ERBB4: variants seen among roughly 807,000 people sequenced by gnomAD.
ERBB4 encodes the protein erb-b2 receptor tyrosine kinase 4, also known as receptor tyrosine-protein kinase erbB-4.
A neutral mutation model predicts 158.0 loss-of-function variants in ERBB4; 42 were observed. The ratio of observed to expected loss-of-function variants is 0.27; its 90% CI spans 0.21 to 0.34. The LOEUF (loss-of-function observed/expected upper bound fraction) is 0.34, where lower values mean the gene tolerates loss of function less well. Ranked by LOEUF, ERBB4 falls within the 10% of genes least tolerant of loss-of-function variation. The probability of loss-of-function intolerance (pLI) is 1.00; values close to 1 mark genes in which losing one functional copy is unlikely to be tolerated. For missense variants in ERBB4, 1,333 were observed against 1,624.1 expected (o/e 0.82, Z 3.08); for synonymous variants, 583 against 558.7 (o/e 1.04, Z -0.61).
chr2:212,465,658 T>C (rs1358148511), intron 1 of ERBB4, among the ~76,000 whole-genome samples: 1 of 152,114 alleles, frequency 6.6e-6, no homozygotes, highest in Non-Finnish European at 1.5e-5. Context: ...AATCAGTACC[T>C]TTTTCTCCAC....
intron 1 of ERBB4, among the ~76,000 whole-genome samples, chr2:212,325,901 A>C (rs2087805153): frequency 6.6e-6 from 1 of 150,642 alleles, no homozygotes; most frequent in South Asian, 2.1e-4. Flanking sequence ...TTGTTTGCTC[A>C]TAATTTTATC....
At chr2:212,489,017 T>C (rs1690128182) in intron 1 of ERBB4, among the ~76,000 whole-genome samples, 1 of 149,958 alleles carries the variant, frequency 6.7e-6, no homozygotes, top group Non-Finnish European at 1.5e-5. Flanking sequence ...AAGAATTGCA[T>C]TTGTATGGTA....
At chr2:211,404,424 G>A (rs2063107362) in intron 25 of ERBB4, among the ~76,000 whole-genome samples, 1 of 151,942 alleles carries the variant, frequency 6.6e-6, no homozygotes, top group Non-Finnish European at 1.5e-5. Flanking sequence ...CTCCCTCTCT[G>A]TCAACAGCCT....
intron 2 of ERBB4, among the ~76,000 whole-genome samples, chr2:212,110,952 G>T (rs1328467904): frequency 6.6e-6 from 1 of 152,050 alleles, no homozygotes; most frequent in Non-Finnish European, 1.5e-5. Flanking sequence ...TCATTCTCTG[G>T]CCACCCGCCT....
chr2:212,504,120 A>G (rs1043653047), intron 1 of ERBB4, among the ~76,000 whole-genome samples: 1 of 152,162 alleles, frequency 6.6e-6, no homozygotes, highest in South Asian at 2.1e-4. Flanking sequence ...TTACATACTG[A>G]TTAGAGACTA....
intron 12 of ERBB4, among the ~76,000 whole-genome samples, chr2:211,696,789 C>T (rs763284101): frequency 6.6e-6 from 1 of 152,132 alleles, no homozygotes; most frequent in Non-Finnish European, 1.5e-5. Flanking sequence ...CCTGCCTCAG[C>T]CTCCCCAGTA....
chr2:212,337,004 T>C (rs576744036), intron 1 of ERBB4, among the ~76,000 whole-genome samples: 6 of 152,250 alleles, frequency 3.9e-5, no homozygotes, highest in African/African-American at 1.4e-4. Flanking sequence ...CATAAAATAT[T>C]ACTGTTGACT....
intron 4 of ERBB4, among the ~76,000 whole-genome samples, chr2:211,783,059 T>C (rs1361247122): frequency 6.6e-6 from 1 of 152,210 alleles, no homozygotes; most frequent in African/African-American, 2.4e-5. Context: ...CAGTGGTTTG[T>C]AGTTCTGCTT....
At chr2:212,297,180 G>A (rs2086443552) in intron 1 of ERBB4, among the ~76,000 whole-genome samples, 1 of 151,936 alleles carries the variant, frequency 6.6e-6, no homozygotes, top group Non-Finnish European at 1.5e-5. Context: ...CACTATTTTT[G>A]TATAAGAAGT....
Position 211,381,528 on chromosome 2 carries a change from C to T in ERBB4, c.*2087G>A, listed in dbSNP as rs75424581. Reference sequence around the variant, plus strand: ...AGACTATGCAATCTGATTGTTGGAACGCATAGAAAAATTAAAATGTCATTT... The same window carrying T: ...AGACTATGCAATCTGATTGTTGGAATGCATAGAAAAATTAAAATGTCATTT... On this transcript the variant is annotated 3_prime_UTR_variant, in exon 28 of 28. Coordinates refer to ENST00000342788, the MANE Select transcript of ERBB4 (RefSeq NM_005235.3). The T allele has an allele frequency of 4.6e-3, 1,068 of 231,146 alleles. 25 individuals carry two copies. Among genetic ancestry groups the T allele is most frequent in the East Asian group, 0.044 (715 of 16,244 alleles). 14.3% of individuals were successfully genotyped at this position (231,146 alleles called of 1,614,324 possible). A position where few individuals can be genotyped will look rare whatever the true frequency, so the allele number is the denominator to read the frequency against.
chr2:211,773,630 ATATAT>A (rs2075785659), intron 4 of ERBB4, among the ~76,000 whole-genome samples: 4 of 49,900 alleles, frequency 8.0e-5, no homozygotes, highest in African/African-American at 4.2e-4. Context: ...ATATATATAT[ATATAT>A]ATATATATAT....
At chr2:211,902,108 C>T (rs1244676503) in intron 3 of ERBB4, among the ~76,000 whole-genome samples, 2 of 151,972 alleles carry the variant, frequency 1.3e-5, no homozygotes, top group Non-Finnish European at 2.9e-5. Flanking sequence ...TTGCTTTGCT[C>T]ATTTGTATGA....
rs148003212 is a variant in ERBB4 at position 212,316,191 on chromosome 2, A to G, written c.83-191288T>C. 3.7e-3 allele frequency among the ~76,000 whole-genome samples: 558 copies of G among 151,564 alleles called. 2 individuals are homozygous for G. The highest frequency in any genetic ancestry group is 5.7e-3 in the Non-Finnish European group (386 of 67,642). ...TACTTTTCTCCTAATACTATCCTCA[A>G]AAACAATAACTACTTTTTGGATGAT... On this transcript the variant is annotated intron_variant, in intron 1 of 27. Transcript: ENST00000342788.
intron 1 of ERBB4, among the ~76,000 whole-genome samples, chr2:212,427,002 A>G (rs574272348): frequency 6.6e-6 from 1 of 152,298 alleles, no homozygotes; most frequent in South Asian, 2.1e-4. Context: ...GCACTTATCT[A>G]CATTACTTAA....
chr2:212,105,034 CA>C (rs10716791), intron 2 of ERBB4, among the ~76,000 whole-genome samples: 99,950 of 151,742 alleles, frequency 0.66, 35,204 homozygotes, highest in African/African-American at 0.88. Flanking sequence ...TATAATTTCT[CA>C]AAAAAAACCT....
chr2:212,135,186 G>T (rs1343881654), intron 1 of ERBB4, among the ~76,000 whole-genome samples: 1 of 151,960 alleles, frequency 6.6e-6, no homozygotes, highest in African/African-American at 2.4e-5. Flanking sequence ...CTCTTTTGTT[G>T]ATTACAATAG....
intron 20 of ERBB4, among the ~76,000 whole-genome samples, chr2:211,525,050 C>G (rs886531751): frequency 6.6e-6 from 1 of 152,162 alleles, no homozygotes. Flanking sequence ...CCAGAAGTTG[C>G]ATTCCAGCAA....
At chr2:211,705,753 T>C (rs2073414779) in intron 9 of ERBB4, among the ~76,000 whole-genome samples, 2 of 152,200 alleles carry the variant, frequency 1.3e-5, no homozygotes, top group South Asian at 4.1e-4. Flanking sequence ...AGAAATACAT[T>C]ATATTATAGT....
chr2:211,472,339 TTGATA>T (rs1470438081), intron 20 of ERBB4, among the ~76,000 whole-genome samples: 1 of 149,444 alleles, frequency 6.7e-6, no homozygotes, highest in Non-Finnish European at 1.5e-5. Flanking sequence ...TTTAATAATA[TTGATA>T]TGATAAAAGT....
Sources: gnomAD v4.1 joint callset for allele counts (sites outside exome capture counted in the v4.1 genomes callset) on GRCh38, gnomAD v4.1.1 for gene constraint, MANE v1.5 for transcripts, NCBI Gene and HGNC (gene_info 2026-07-23, HGNC 2026-07-21) for gene names.